SLC8A1: variants seen among roughly 807,000 people sequenced by gnomAD.
The protein encoded by SLC8A1 is sodium/calcium exchanger 1.
A neutral mutation model predicts 68.3 loss-of-function variants in SLC8A1; 18 were observed. The ratio of observed to expected loss-of-function variants is 0.26; its 90% CI spans 0.18 to 0.39. The LOEUF (loss-of-function observed/expected upper bound fraction) is 0.39, where lower values mean the gene tolerates loss of function less well. Among genes scored for constraint, SLC8A1 ranks in the 10% least tolerant of loss-of-function variants. The pLI is 1.00. For synonymous variants in SLC8A1, 475 were observed against 415.5 expected (o/e 1.14, Z -1.74); for missense variants, 985 against 1,156.7 (o/e 0.85, Z 2.15).
chr2:40,115,635 G>C lies in SLC8A1; in HGVS notation c.2438-6C>G, dbSNP rs1380259834. The C allele has an allele frequency of 6.2e-7, 1 of 1,601,088 alleles. No individual in the cohort carries two copies. The highest frequency in any genetic ancestry group is 1.3e-5 in the African/African-American group (1 of 74,810). On this transcript the variant is annotated splice_polypyrimidine_tract_variant and splice_region_variant and intron_variant, in intron 7 of 7. Coordinates refer to ENST00000406785, the Ensembl canonical transcript of SLC8A1. ...CACTTTGCTGGCAAATGTGTCTGCA[G>C]AGGAAGAAGAGAAAGTCAATGACAC...
At chr2:40,201,668 G>C (rs2054383760) in intron 2 of SLC8A1, among the ~76,000 whole-genome samples, 1 of 151,900 alleles carries the variant, frequency 6.6e-6, no homozygotes, top group African/African-American at 2.4e-5. Flanking sequence ...AACCATGGCA[G>C]AGAGTCACAA....
chr2:40,334,355 C>A (rs950894965), intron 2 of SLC8A1, among the ~76,000 whole-genome samples: 1 of 152,172 alleles, frequency 6.6e-6, no homozygotes, highest in African/African-American at 2.4e-5. Context: ...ATACCAAAGG[C>A]ATAACCATTT....
At chr2:40,160,151 G>A (rs2148446722) in intron 6 of SLC8A1, among the ~76,000 whole-genome samples, 1 of 152,298 alleles carries the variant, frequency 6.6e-6, no homozygotes, top group Non-Finnish European at 1.5e-5. Flanking sequence ...AATACAGGAA[G>A]AGCACACCTC....
chr2:40,499,263 T>C (rs528172331), intron 1 of SLC8A1, among the ~76,000 whole-genome samples: 41 of 152,208 alleles, frequency 2.7e-4, no homozygotes, highest in African/African-American at 8.4e-4. Flanking sequence ...GAGTCAGACT[T>C]TTCTAGCTCT....
intron 1 of SLC8A1, among the ~76,000 whole-genome samples, chr2:40,458,020 A>G (rs368335400): frequency 2.6e-5 from 4 of 152,206 alleles, no homozygotes; most frequent in African/African-American, 9.6e-5. Flanking sequence ...ATTGGTCAGA[A>G]GTCGAGTCTG....
At chr2:40,364,111 A>G (rs937923661) in intron 2 of SLC8A1, among the ~76,000 whole-genome samples, 1 of 152,126 alleles carries the variant, frequency 6.6e-6, no homozygotes, top group South Asian at 2.1e-4. Flanking sequence ...AAAATGTGCA[A>G]CTGCCTGATA....
chr2:40,151,499 T>A (rs925507881), intron 6 of SLC8A1, among the ~76,000 whole-genome samples: 1 of 152,160 alleles, frequency 6.6e-6, no homozygotes, highest in Non-Finnish European at 1.5e-5. Flanking sequence ...CGGTTGTTGT[T>A]GTTTTTTTTT....
chr2:40,307,350 T>A (rs1239216644), intron 2 of SLC8A1, among the ~76,000 whole-genome samples: 1 of 152,058 alleles, frequency 6.6e-6, no homozygotes, highest in Non-Finnish European at 1.5e-5. Flanking sequence ...GTAAAATTAA[T>A]AGAAAGCAAA....
chr2:40,388,284 C>T (rs942207135), intron 2 of SLC8A1, among the ~76,000 whole-genome samples: 1 of 152,146 alleles, frequency 6.6e-6, no homozygotes, highest in Non-Finnish European at 1.5e-5. Context: ...TTATGGATCA[C>T]ATTAATGTGT....
intron 2 of SLC8A1, among the ~76,000 whole-genome samples, chr2:40,338,522 T>C (rs1666727088): frequency 6.6e-6 from 1 of 152,150 alleles, no homozygotes; most frequent in African/African-American, 2.4e-5. Context: ...CCACAAACCA[T>C]GGTCTTTGAT....
At chr2:40,147,502 C>T (rs552404016) in intron 6 of SLC8A1, among the ~76,000 whole-genome samples, 1 of 152,208 alleles carries the variant, frequency 6.6e-6, no homozygotes, top group East Asian at 1.9e-4. Context: ...GTGTAGATAC[C>T]TCCTGCTAGT....
chr2:40,382,870 G>T (rs916832869), intron 2 of SLC8A1, among the ~76,000 whole-genome samples: 3 of 151,976 alleles, frequency 2.0e-5, no homozygotes, highest in African/African-American at 4.8e-5. Flanking sequence ...TAACTACCAG[G>T]AATATAAGAG....
At chr2:40,445,438 T>C (rs983042825) in intron 1 of SLC8A1, among the ~76,000 whole-genome samples, 19 of 152,140 alleles carry the variant, frequency 1.2e-4, no homozygotes, top group Admixed American at 1.2e-3. Flanking sequence ...GGAGGCTTTC[T>C]ACACAGGGAA....
At chr2:40,113,204 A>G (rs2034787621) in exon 8 of SLC8A1, 1 of 152,384 alleles carries the variant, frequency 6.6e-6, no homozygotes, top group Admixed American at 6.5e-5. Flanking sequence ...ATGAGGAAGG[A>G]TCATGGTTAC....
At chr2:40,344,061 C>A (rs967932911) in intron 2 of SLC8A1, among the ~76,000 whole-genome samples, 8 of 152,110 alleles carry the variant, frequency 5.3e-5, no homozygotes, top group African/African-American at 1.9e-4. Context: ...AGTATGGCAG[C>A]CAGATGACAG....
intron 2 of SLC8A1, among the ~76,000 whole-genome samples, chr2:40,222,556 CA>C (rs1444523866): frequency 6.6e-6 from 1 of 152,124 alleles, no homozygotes; most frequent in Non-Finnish European, 1.5e-5. Flanking sequence ...AGCTTCTGCA[CA>C]GCAAAAGAAA....
At chr2:40,175,909 C>A in intron 3 of SLC8A1, 1 of 399,640 alleles carries the variant, frequency 2.5e-6, no homozygotes, top group Non-Finnish European at 5.0e-6. Flanking sequence ...ATCCTTAAAG[C>A]TTAATAGTCC....
At chr2:40,495,015 G>A (rs1016817929) in intron 1 of SLC8A1, among the ~76,000 whole-genome samples, 1 of 151,438 alleles carries the variant, frequency 6.6e-6, no homozygotes, top group African/African-American at 2.4e-5. Flanking sequence ...GCTTCTGGGA[G>A]GTAAGGTTTG....
intron 2 of SLC8A1, among the ~76,000 whole-genome samples, chr2:40,191,246 T>G (rs380975): frequency 0.24 from 35,982 of 152,100 alleles, 4,494 homozygotes; most frequent in Middle Eastern, 0.27. Context: ...TCCAGTGATG[T>G]ACCCACTAAC....
Sources: allele counts gnomAD v4.1 joint callset (sites outside exome capture counted in the v4.1 genomes callset), GRCh38; gene constraint gnomAD v4.1.1; transcripts MANE v1.5; gene names NCBI Gene and HGNC (gene_info 2026-07-23, HGNC 2026-07-21).